ENAH: variants seen among roughly 807,000 people sequenced by gnomAD.
ENAH encodes the protein protein enabled homolog.
ENAH carries 23 observed loss-of-function variants against 78.7 expected under a neutral mutation model. The ratio of observed to expected loss-of-function variants is 0.29; its 90% CI spans 0.21 to 0.41. The LOEUF (loss-of-function observed/expected upper bound fraction) is 0.41, where lower values mean the gene tolerates loss of function less well. Among genes scored for constraint, ENAH ranks in the 10% least tolerant of loss-of-function variants. The pLI is 1.00. For missense variants in ENAH, 544 were observed against 691.0 expected, an observed-to-expected ratio of 0.79 and a Z score of 2.39; for synonymous variants, 226 against 241.0, an observed-to-expected ratio of 0.94 and a Z score of 0.58.
At chr1:225,521,945 G>A (rs564790627) in intron 4 of ENAH, among the ~76,000 whole-genome samples, 14 of 151,982 alleles carry the variant, frequency 9.2e-5, no homozygotes, top group Middle Eastern at 3.4e-3. Flanking sequence ...ACAGGTGCCC[G>A]CCACCATGCC....
chr1:225,590,273 G>C (rs183394096), intron 1 of ENAH, among the ~76,000 whole-genome samples: 3 of 151,896 alleles, frequency 2.0e-5, no homozygotes, highest in African/African-American at 4.8e-5. Flanking sequence ...CCAGGAGTTC[G>C]ACACCTGCTC....
At chr1:225,502,132 C>A (rs2151048824) in intron 11 of ENAH, among the ~76,000 whole-genome samples, 1 of 152,268 alleles carries the variant, frequency 6.6e-6, no homozygotes, top group East Asian at 1.9e-4. Context: ...ATTTATAATT[C>A]TTATAAGACA....
At chr1:225,574,453 T>TC (rs1458441685) in intron 1 of ENAH, among the ~76,000 whole-genome samples, 1 of 151,858 alleles carries the variant, frequency 6.6e-6, no homozygotes, top group Non-Finnish European at 1.5e-5. Context: ...ATACCAAAAA[T>TC]TAGCCAGGCA....
chr1:225,595,604 T>G (rs1364544077), intron 1 of ENAH, among the ~76,000 whole-genome samples: 1 of 152,228 alleles, frequency 6.6e-6, no homozygotes, highest in East Asian at 1.9e-4. Context: ...TATTCCCATG[T>G]GTTAGGATCT....
intron 1 of ENAH, among the ~76,000 whole-genome samples, chr1:225,585,807 A>G (rs1558860668): frequency 6.6e-6 from 1 of 152,018 alleles, no homozygotes; most frequent in African/African-American, 2.4e-5. Context: ...TAATAAATAA[A>G]TAAGAAAAAA....
At chr1:225,573,954 A>G (rs1437216383) in intron 1 of ENAH, among the ~76,000 whole-genome samples, 1 of 152,198 alleles carries the variant, frequency 6.6e-6, no homozygotes, top group Non-Finnish European at 1.5e-5. Context: ...ACATGTGCAC[A>G]ATAACCTCTA....
At chr1:225,643,360 T>C (rs971087970) in intron 1 of ENAH, among the ~76,000 whole-genome samples, 6 of 150,954 alleles carry the variant, frequency 4.0e-5, no homozygotes, top group African/African-American at 9.7e-5. Context: ...GGTAGGACAA[T>C]GATAGACTGG....
intron 2 of ENAH, 79 bp from the exon 3 acceptor site, chr1:225,555,162 A>G (rs2096659964): frequency 1.6e-6 from 2 of 1,240,588 alleles, no homozygotes; most frequent in Non-Finnish European, 1.1e-6. Context: ...GATTGTATAT[A>G]TTCATTCAAA....
intron 9 of ENAH, among the ~76,000 whole-genome samples, chr1:225,512,134 A>C (rs2096381896): frequency 6.6e-6 from 1 of 152,210 alleles, no homozygotes; most frequent in African/African-American, 2.4e-5. Context: ...AGATTTGAGG[A>C]ATGGCATCTA....
intron 1 of ENAH, among the ~76,000 whole-genome samples, chr1:225,597,991 T>C (rs928623721): frequency 6.6e-6 from 1 of 152,122 alleles, no homozygotes; most frequent in Non-Finnish European, 1.5e-5. Context: ...GCTTCTGTGT[T>C]ACCGGAATCC....
At chr1:225,616,560 T>C (rs933768314) in intron 1 of ENAH, among the ~76,000 whole-genome samples, 18 of 151,804 alleles carry the variant, frequency 1.2e-4, no homozygotes, top group Admixed American at 1.1e-3. Flanking sequence ...CAAGTACATG[T>C]TATATATAGT....
At chr1:225,618,043 G>C (rs1485303035) in intron 1 of ENAH, among the ~76,000 whole-genome samples, 1 of 152,192 alleles carries the variant, frequency 6.6e-6, no homozygotes, top group African/African-American at 2.4e-5. Flanking sequence ...CTAAGTGAAT[G>C]TAACTGGAAT....
At chr1:225,557,655 T>C (rs2096673711) in intron 2 of ENAH, among the ~76,000 whole-genome samples, 1 of 152,042 alleles carries the variant, frequency 6.6e-6, no homozygotes, top group Non-Finnish European at 1.5e-5. Context: ...ACCCCGTCTC[T>C]ACTAAAAATA....
intron 3 of ENAH, among the ~76,000 whole-genome samples, chr1:225,538,583 T>C (rs12031651): frequency 0.094 from 13,809 of 146,700 alleles, 690 homozygotes; most frequent in Admixed American, 0.15. Flanking sequence ...CACTCAACCT[T>C]AAGGCAAAAC....
chr1:225,562,404 C>G (rs189066223), intron 2 of ENAH, among the ~76,000 whole-genome samples: 155 of 151,634 alleles, frequency 1.0e-3, no homozygotes, highest in African/African-American at 3.4e-3. Flanking sequence ...AACCCCATCT[C>G]TACTAAAAAT....
At chr1:225,582,745 G>A (rs2096825213) in intron 1 of ENAH, among the ~76,000 whole-genome samples, 1 of 152,158 alleles carries the variant, frequency 6.6e-6, no homozygotes. Context: ...ATGACCCACT[G>A]CCTAAAAGAC....
At chr1:225,640,422 G>A (rs1222927968) in intron 1 of ENAH, among the ~76,000 whole-genome samples, 1 of 151,930 alleles carries the variant, frequency 6.6e-6, no homozygotes, top group African/African-American at 2.4e-5. Context: ...TTGTTCTTAC[G>A]CCAATTATTT....
chr1:225,525,377 A>G (rs958358700), intron 4 of ENAH, among the ~76,000 whole-genome samples: 7 of 152,196 alleles, frequency 4.6e-5, no homozygotes, highest in African/African-American at 1.2e-4. Flanking sequence ...GCTAAAAAGT[A>G]GTACTTTTAA....
chr1:225,519,023 G>T, intron 5 of ENAH, 175 bp downstream of exon 5: 1 of 1,059,318 alleles, frequency 9.4e-7, no homozygotes, highest in Non-Finnish European at 1.3e-6. Context: ...AAGCAATACA[G>T]AGAGAAATAA....
Sources: gnomAD v4.1 joint callset for allele counts (sites outside exome capture counted in the v4.1 genomes callset) on GRCh38, gnomAD v4.1.1 for gene constraint, MANE v1.5 for transcripts, NCBI Gene and HGNC (gene_info 2026-07-23, HGNC 2026-07-21) for gene names.